TMEM132B: variants seen among roughly 807,000 people sequenced by gnomAD.
TMEM132B encodes the protein transmembrane protein 132B.
TMEM132B carries 18 observed loss-of-function variants against 90.8 expected under a neutral mutation model. That is an observed-to-expected ratio of 0.20 (90% CI 0.14 to 0.29). The LOEUF is 0.29. Among genes scored for constraint, TMEM132B ranks in the 10% least tolerant of loss-of-function variants. The pLI is 1.00. For missense variants in TMEM132B, 1,096 were observed against 1,326.8 expected, an observed-to-expected ratio of 0.83 and a Z score of 2.70; for synonymous variants, 504 against 523.3, an observed-to-expected ratio of 0.96 and a Z score of 0.50.
At chr12:125,249,073 T>A (rs1254393171) in intron 1 of TMEM132B, among the ~76,000 whole-genome samples, 3 of 152,184 alleles carry the variant, frequency 2.0e-5, no homozygotes, top group Admixed American at 6.5e-5. Flanking sequence ...TCTGGACTTG[T>A]GTTTCTCATG....
At chr12:125,520,776 T>C (rs1262563733) in intron 4 of TMEM132B, among the ~76,000 whole-genome samples, 1 of 152,204 alleles carries the variant, frequency 6.6e-6, no homozygotes. Context: ...GACAGTAGGG[T>C]TATCCTGGTC....
intron 1 of TMEM132B, among the ~76,000 whole-genome samples, chr12:125,247,461 C>T (rs1240327177): frequency 6.6e-6 from 1 of 152,188 alleles, no homozygotes; most frequent in Non-Finnish European, 1.5e-5. Flanking sequence ...TGCCAGGCCA[C>T]TCCCGTCTGT....
chr12:125,652,294 C>G, intron 7 of TMEM132B, 147 bp from the exon 8 acceptor site: 1 of 640,990 alleles, frequency 1.6e-6, no homozygotes, highest in Non-Finnish European at 2.6e-6. Flanking sequence ...TGTGATTGAA[C>G]AACGGCATAA....
rs141394192 is a variant in TMEM132B, at chr12:125,319,189, G to A, written c.68-30263G>A. On this transcript the variant is annotated intron_variant, in intron 1 of 8. Transcript: ENST00000682704. ...TAGTCCCCATGACTACAGCTCCCGG[G>A]GCTGGTGGGAGGATTTGCAGAGATG... 9.3e-4 allele frequency among the ~76,000 whole-genome samples: 142 copies of A among 152,338 alleles called. 2 individuals carry two copies. In the Middle Eastern group the frequency reaches 0.01, roughly 11 times the overall value.
intron 1 of TMEM132B, among the ~76,000 whole-genome samples, chr12:125,210,743 C>T (rs760174801): frequency 1.3e-5 from 2 of 152,140 alleles, no homozygotes; most frequent in African/African-American, 4.8e-5. Flanking sequence ...GTGGGCAGAT[C>T]GCTTGAGTCC....
At chr12:125,555,033 A>C (rs1311745084) in intron 4 of TMEM132B, among the ~76,000 whole-genome samples, 1 of 152,192 alleles carries the variant, frequency 6.6e-6, no homozygotes, top group African/African-American at 2.4e-5. Context: ...CACCAAGAGA[A>C]TGTGAAATGA....
chr12:125,650,205 T>C (rs1434539377), intron 6 of TMEM132B, among the ~76,000 whole-genome samples: 1 of 152,002 alleles, frequency 6.6e-6, no homozygotes, highest in Non-Finnish European at 1.5e-5. Flanking sequence ...ACCTACTTGG[T>C]CCTCATGTGG....
chr12:125,202,572 C>T (rs1217190688), intron 1 of TMEM132B, among the ~76,000 whole-genome samples: 1 of 152,256 alleles, frequency 6.6e-6, no homozygotes, highest in Non-Finnish European at 1.5e-5. Context: ...AGGCTGCTCT[C>T]AGTTCCTGTC....
intron 4 of TMEM132B, among the ~76,000 whole-genome samples, chr12:125,559,609 G>C (rs894758333): frequency 6.6e-6 from 1 of 152,098 alleles, no homozygotes; most frequent in African/African-American, 2.4e-5. Context: ...GACCTTTCCT[G>C]CTGACCTCCC....
intron 3 of TMEM132B, among the ~76,000 whole-genome samples, chr12:125,461,727 T>C (rs941569130): frequency 4.6e-5 from 7 of 152,224 alleles, no homozygotes; most frequent in Non-Finnish European, 8.8e-5. Flanking sequence ...TTGGACTCTG[T>C]TGTTTTCTTC....
At chr12:125,573,765 A>C (rs183717011) in intron 4 of TMEM132B, among the ~76,000 whole-genome samples, 1 of 152,200 alleles carries the variant, frequency 6.6e-6, no homozygotes, top group African/African-American at 2.4e-5. Context: ...TCAAATGAGC[A>C]CATAATTCCA....
rs755251750 is a variant in TMEM132B, at chr12:125,584,044, C to A, written c.1437+50C>A. On this transcript the variant is annotated intron_variant, in intron 5 of 8. Transcript: ENST00000682704. Reference sequence around the variant, plus strand: ...GTCCTAAGTGCTCAGAGCTTTTTGTCGTTCCTTCTTTTGTCTCCAAGGTCT... The same window carrying A: ...GTCCTAAGTGCTCAGAGCTTTTTGTAGTTCCTTCTTTTGTCTCCAAGGTCT... 6 of 1,612,500 alleles carry A rather than the reference C, an allele frequency of 3.7e-6. No homozygotes were observed. In the East Asian group the frequency reaches 1.3e-4, roughly 36 times the overall value.
intron 1 of TMEM132B, among the ~76,000 whole-genome samples, chr12:125,271,925 A>G (rs1445720307): frequency 6.6e-6 from 1 of 152,202 alleles, no homozygotes; most frequent in Non-Finnish European, 1.5e-5. Flanking sequence ...ACTACCACAA[A>G]TAGAAAGCCA....
intron 6 of TMEM132B, among the ~76,000 whole-genome samples, chr12:125,645,079 G>A (rs1036405741): frequency 1.2e-4 from 19 of 152,028 alleles, no homozygotes; most frequent in African/African-American, 2.2e-4. Context: ...ATAGCTGGGC[G>A]TGGTGGTGGG....
At position 125,595,191 on chromosome 12, in the gene TMEM132B, A is replaced by G. The variant is rs542432626; in HGVS notation, c.1437+11197A>G. Among the ~76,000 whole-genome samples, 3 of 152,314 alleles carry G rather than the reference A, an allele frequency of 2.0e-5. No individual in the cohort carries two copies. In the East Asian group the frequency reaches 5.8e-4, roughly 29 times the overall value. ...TGAGCTTTCTTTGCCCTTAGCTGGC[A>G]GCTCCATGAAGGGGGAGGGACCTAT... On this transcript the variant is annotated intron_variant, in intron 5 of 8. Transcript: ENST00000682704.
Position 125,661,677 on chromosome 12 carries a change from G to A in TMEM132B, c.*6967G>A, listed in dbSNP as rs578193417. On this transcript the variant is annotated 3_prime_UTR_variant, in exon 9 of 9. Coordinates refer to ENST00000682704, the MANE Select transcript of TMEM132B (RefSeq NM_001366854.1). ...AACCTCCATTACAGGGGTCTTCTAG[G>A]TATTCCCCACACATTATTTGTGGGC... 6.6e-6 allele frequency: 1 copy of A among 152,236 alleles called. No individual in the cohort carries two copies. The highest frequency in any genetic ancestry group is 2.4e-5 in the African/African-American group (1 of 41,530). The allele number at this position is 152,236 out of a possible 1,614,324, so 9.4% of individuals were successfully genotyped here. A position where few individuals can be genotyped will look rare whatever the true frequency, so the allele number is the denominator to read the frequency against.
chr12:125,496,939 G>A (rs936092993), intron 3 of TMEM132B, among the ~76,000 whole-genome samples: 1 of 152,206 alleles, frequency 6.6e-6, no homozygotes, highest in South Asian at 2.1e-4. Context: ...AGCTTGATGG[G>A]ACTTGCTGTT....
intron 3 of TMEM132B, among the ~76,000 whole-genome samples, chr12:125,443,963 A>G (rs1880940664): frequency 2.0e-5 from 3 of 152,116 alleles, no homozygotes; most frequent in African/African-American, 7.2e-5. Context: ...AATTTATTAA[A>G]GTTGCCTTCA....
At chr12:125,391,863 C>G (rs1879033194) in intron 2 of TMEM132B, among the ~76,000 whole-genome samples, 1 of 152,114 alleles carries the variant, frequency 6.6e-6, no homozygotes, top group African/African-American at 2.4e-5. Flanking sequence ...ACCTCCTGGG[C>G]TCGTCTGGTC....
Sources: allele counts gnomAD v4.1 joint callset (sites outside exome capture counted in the v4.1 genomes callset), GRCh38; gene constraint gnomAD v4.1.1; transcripts MANE v1.5; gene names NCBI Gene and HGNC (gene_info 2026-07-23, HGNC 2026-07-21).